PCDH17: variants seen among roughly 807,000 people sequenced by gnomAD.
The protein encoded by PCDH17 is protocadherin 17, also known as protocadherin-17.
PCDH17 carries 21 observed loss-of-function variants against 67.7 expected under a neutral mutation model. That is an observed-to-expected ratio of 0.31 (90% CI 0.22 to 0.45). The LOEUF (loss-of-function observed/expected upper bound fraction) is 0.45, where lower values mean the gene tolerates loss of function less well. Among genes scored for constraint, PCDH17 ranks in the 20% least tolerant of loss-of-function variants. The pLI, the probability that PCDH17 is intolerant of heterozygous loss-of-function variation, is 1.00. For synonymous variants in PCDH17, 701 were observed against 656.7 expected, an observed-to-expected ratio of 1.07 and a Z score of -1.03; for missense variants, 1,471 against 1,564.8, an observed-to-expected ratio of 0.94 and a Z score of 1.01.
chr13:57,633,064 G>A lies in PCDH17; in HGVS notation c.518G>A (p.Arg173His). Residue 173 changes from arginine (R) to histidine (H), a missense_variant, in exon 1 of 4, where the codon CGC becomes CAC. Physicochemically the swap from Arg to His is conservative, Grantham distance 29. Transcript: ENST00000377918. The surrounding 1 kb of genome is among the most constrained non-coding windows in gnomAD (Gnocchi z 6.2). ...GGGCTCCGCACCTACCTGCTCACGCGCGACGATCACGGCCTCTTTGGACTG... is the reference window on the plus strand; with the variant it reads ...GGGCTCCGCACCTACCTGCTCACGCACGACGATCACGGCCTCTTTGGACTG... Reference protein sequence around the residue: ...ENGLRTYLLTRDDHGLFGLDV... With the variant: ...ENGLRTYLLTHDDHGLFGLDV... The A allele has an allele frequency of 1.2e-6, 2 of 1,613,164 alleles. No individual in the cohort carries two copies. The highest frequency in any genetic ancestry group is 1.7e-6 in the Non-Finnish European group (2 of 1,179,964).
intron 3 of PCDH17, among the ~76,000 whole-genome samples, chr13:57,693,616 G>T (rs938666509): frequency 1.3e-5 from 2 of 149,966 alleles, no homozygotes; most frequent in African/African-American, 4.9e-5. Flanking sequence ...TATTATGATT[G>T]GAAGGACACA....
At chr13:57,683,737 C>G (rs1414467656) in intron 3 of PCDH17, among the ~76,000 whole-genome samples, 1 of 151,690 alleles carries the variant, frequency 6.6e-6, no homozygotes, top group East Asian at 1.9e-4. Flanking sequence ...ATTACTGTAC[C>G]CAGAAGACAC....
At chr13:57,655,513 T>TG (rs1834163322) in intron 1 of PCDH17, among the ~76,000 whole-genome samples, 1 of 151,842 alleles carries the variant, frequency 6.6e-6, no homozygotes, top group South Asian at 2.1e-4. Context: ...TACATAATGA[T>TG]GGGAAAAAAG....
rs115565722 is a variant in PCDH17 at position 57,724,648 on chromosome 13, G to C, written c.2834G>C (p.Arg945Pro). The C allele has an allele frequency of 6.2e-7, 1 of 1,613,806 alleles. No homozygotes were observed. Among genetic ancestry groups the C allele is most frequent in the Non-Finnish European group, 8.5e-7 (1 of 1,179,786 alleles). Residue 945 changes from arginine (R) to proline (P), a missense_variant, in exon 4 of 4, where the codon CGA (arginine) becomes CCA (proline). Coordinates refer to ENST00000377918, the MANE Select transcript of PCDH17 (RefSeq NM_001040429.3). ...TGTGTTAATTGCACAGATGAATGCC[G>C]AGTGCTTGGTCATTCTGACAGGTGC... The part of the protein sequence containing the change: ...EECVNCTDEC[R>P]VLGHSDRCWM...
At chr13:57,724,244 T>C (rs188356087) in intron 3 of PCDH17, among the ~76,000 whole-genome samples, 2 of 152,320 alleles carry the variant, frequency 1.3e-5, no homozygotes, top group African/African-American at 4.8e-5. Flanking sequence ...AAAATAATCC[T>C]GATAATCTTT....
At chr13:57,675,203 AC>A (rs1955377696) in intron 3 of PCDH17, among the ~76,000 whole-genome samples, 1 of 151,940 alleles carries the variant, frequency 6.6e-6, no homozygotes. Context: ...ATCCAGACGT[AC>A]CCACTGACAC....
In PCDH17 at chr13:57,639,811, T is replaced by G. The variant is rs148585919; in HGVS notation, c.2565+4700T>G. Among the ~76,000 whole-genome samples, 79 of 152,064 alleles carry G rather than the reference T, an allele frequency of 5.2e-4. 1 individual carries two copies. In the East Asian group the frequency reaches 0.012, roughly 24 times the overall value. ...AAGGCTGTGTGTGATCATGAAAAGATCGGCATAGAAAAGTATGCCCTAAAA... is the reference window on the plus strand; with the variant it reads ...AAGGCTGTGTGTGATCATGAAAAGAGCGGCATAGAAAAGTATGCCCTAAAA... On this transcript the variant is annotated intron_variant, in intron 1 of 3. Transcript: ENST00000377918.
At chr13:57,659,103 T>TTGTGTGTGTGTG (rs71083322) in intron 1 of PCDH17, among the ~76,000 whole-genome samples, 1,971 of 139,820 alleles carry the variant, frequency 0.014, 14 homozygotes, top group Non-Finnish European at 0.019. Flanking sequence ...GTTATTTATA[T>TTGTGTGTGTGTG]TGTGTGTGTG....
chr13:57,710,600 A>G (rs906453549), intron 3 of PCDH17, among the ~76,000 whole-genome samples: 2 of 151,946 alleles, frequency 1.3e-5, no homozygotes, highest in Admixed American at 1.3e-4. Flanking sequence ...TCAACATATT[A>G]TACCATTCTA....
intron 1 of PCDH17, among the ~76,000 whole-genome samples, chr13:57,660,392 C>A (rs1955169242): frequency 6.6e-6 from 1 of 151,996 alleles, no homozygotes; most frequent in Non-Finnish European, 1.5e-5. Context: ...GGCTCAGTAT[C>A]ATTTTAAAAG....
At chr13:57,694,049 T>C (rs539893101) in intron 3 of PCDH17, among the ~76,000 whole-genome samples, 2 of 151,058 alleles carry the variant, frequency 1.3e-5, no homozygotes, top group Admixed American at 1.3e-4. Context: ...GAATATTTCA[T>C]AGCCAAGTTT....
At chr13:57,642,611 T>C (rs1370136435) in intron 1 of PCDH17, among the ~76,000 whole-genome samples, 2 of 151,602 alleles carry the variant, frequency 1.3e-5, no homozygotes, top group African/African-American at 4.8e-5. Context: ...GAGTCATGAA[T>C]TGTTACATCT....
intron 1 of PCDH17, among the ~76,000 whole-genome samples, chr13:57,641,747 C>A (rs1417104712): frequency 6.7e-6 from 1 of 149,796 alleles, no homozygotes; most frequent in Non-Finnish European, 1.5e-5. Flanking sequence ...GTTCATTGAG[C>A]ATCTAGCATA....
chr13:57,714,077 A>G (rs1187032305), intron 3 of PCDH17, among the ~76,000 whole-genome samples: 2 of 151,640 alleles, frequency 1.3e-5, no homozygotes, highest in African/African-American at 2.4e-5. Flanking sequence ...TTAAAATATT[A>G]AAAACATTCT....
intron 1 of PCDH17, among the ~76,000 whole-genome samples, chr13:57,639,789 G>A (rs998751789): frequency 1.3e-5 from 2 of 151,864 alleles, no homozygotes; most frequent in Non-Finnish European, 2.9e-5. Context: ...GTTATTTAAG[G>A]CTGTGTGTGA....
chr13:57,722,497 T>G (rs1955879381), intron 3 of PCDH17, among the ~76,000 whole-genome samples: 1 of 152,232 alleles, frequency 6.6e-6, no homozygotes, highest in Non-Finnish European at 1.5e-5. Flanking sequence ...AATGATTTTT[T>G]TAACATTTAC....
intron 3 of PCDH17, among the ~76,000 whole-genome samples, chr13:57,675,201 G>A (rs558658914): frequency 1.9e-4 from 29 of 151,938 alleles, no homozygotes; most frequent in Admixed American, 6.6e-4. Flanking sequence ...CAATCCAGAC[G>A]TACCCACTGA....
At chr13:57,667,427 T>G (rs1474322545) in intron 3 of PCDH17, among the ~76,000 whole-genome samples, 3 of 152,066 alleles carry the variant, frequency 2.0e-5, no homozygotes, top group Non-Finnish European at 4.4e-5. Context: ...TATCTCTAAT[T>G]TATTCATCTC....
At chr13:57,630,814 T>C (rs1954709677), upstream of PCDH17, among the ~76,000 whole-genome samples, 2 of 152,176 alleles carry the variant, frequency 1.3e-5, no homozygotes. Flanking sequence ...GGGAGGACCA[T>C]GAGGCGAGAG....
Sources: allele counts gnomAD v4.1 joint callset (sites outside exome capture counted in the v4.1 genomes callset), GRCh38; gene constraint gnomAD v4.1.1; non-coding constraint Gnocchi (gnomAD v3.1); transcripts MANE v1.5; gene names NCBI Gene and HGNC (gene_info 2026-07-23, HGNC 2026-07-21).